Variants in IGDCC4 observed in about 807,000 individuals in gnomAD.
IGDCC4 encodes the protein immunoglobulin superfamily DCC subclass member 4, also known as likely ortholog of mouse neighbor of Punc E11.
IGDCC4 carries 72 observed loss-of-function variants against 116.6 expected under a neutral mutation model. That is an observed-to-expected ratio of 0.62 (90% confidence interval 0.51 to 0.75). The LOEUF (loss-of-function observed/expected upper bound fraction) is 0.75, where lower values mean the gene tolerates loss of function less well. Ranked by LOEUF, IGDCC4 falls within the 30% of genes least tolerant of loss-of-function variation. The pLI, the probability that IGDCC4 is intolerant of heterozygous loss-of-function variation, is 0.00. For missense variants in IGDCC4, 1,501 were observed against 1,662.4 expected, an observed-to-expected ratio of 0.90 and a Z score of 1.69; for synonymous variants, 709 against 719.9, an observed-to-expected ratio of 0.98 and a Z score of 0.24.
chr15:65,416,624 C>A (rs570784110), intron 1 of IGDCC4, among the ~76,000 whole-genome samples: 1 of 152,114 alleles, frequency 6.6e-6, no homozygotes, highest in East Asian at 1.9e-4. Context: ...TGACCCCCAA[C>A]ATTTTTAGCC....
chr15:65,405,350 T>C (rs2063031654), intron 3 of IGDCC4, among the ~76,000 whole-genome samples: 1 of 150,374 alleles, frequency 6.7e-6, no homozygotes, highest in African/African-American at 2.5e-5. Flanking sequence ...TTAGGAAATA[T>C]AAAAATTTTT....
chr15:65,383,745 C>T lies in IGDCC4; in HGVS notation c.*264G>A. On this transcript the variant is annotated 3_prime_UTR_variant, in exon 20 of 20. Transcript: ENST00000352385. ...GGCCACGGTTTCCCAGCTCAACAAC[C>T]AGTACGCATACATGCACTTCACACA... 2.7e-6 allele frequency: 1 copy of T among 371,418 alleles called. No homozygotes were observed. Among genetic ancestry groups the T allele is most frequent in the Non-Finnish European group, 4.8e-6 (1 of 208,114 alleles). The allele number at this position is 371,418 out of a possible 1,614,324, so 23.0% of individuals were successfully genotyped here. A position where few individuals can be genotyped will look rare whatever the true frequency, so the allele number is the denominator to read the frequency against.
intron 8 of IGDCC4, 97 bp downstream of exon 8, chr15:65,394,997 G>A (rs955340685): frequency 9.0e-6 from 12 of 1,336,608 alleles, no homozygotes; most frequent in Non-Finnish European, 1.2e-5. Flanking sequence ...ATATGAGCAG[G>A]TAAAAATGCC....
chr15:65,418,346 C>T (rs1033472179), intron 1 of IGDCC4, among the ~76,000 whole-genome samples: 1 of 152,026 alleles, frequency 6.6e-6, no homozygotes, highest in Non-Finnish European at 1.5e-5. Context: ...AAATTTATTT[C>T]TCTTGTGCCC....
intron 1 of IGDCC4, among the ~76,000 whole-genome samples, chr15:65,416,595 C>T (rs2063147147): frequency 6.6e-6 from 1 of 151,988 alleles, no homozygotes; most frequent in South Asian, 2.1e-4. Flanking sequence ...ACTTGCCACC[C>T]CCAGCCCACT....
At position 65,386,024 on chromosome 15, in the gene IGDCC4, G is replaced by C. The variant is rs765366856; in HGVS notation, c.2987C>G (p.Pro996Arg). Residue 996 changes from proline to arginine, a missense_variant, in exon 18 of 20, where the codon CCC becomes CGC. Physicochemically the swap from Pro to Arg is moderately radical, Grantham distance 103 (BLOSUM62 -2). This residue lies in a region of IGDCC4 where 368 missense variants were observed against 355.6 expected (regional missense o/e 1.03). Coordinates refer to ENST00000352385, the MANE Select transcript of IGDCC4 (RefSeq NM_020962.3). The stretch of plus-strand genomic sequence containing the variant: ...TCTGGAGTACAGCGCGGGATTCCCG[G>C]GGGTGGCGGTGGAGGACAGGCCTGG... ...SLPGLSSTAT[P>R]GNPALYSRAR... 1 of 1,554,208 alleles carries C rather than the reference G, an allele frequency of 6.4e-7. No individual in the cohort carries two copies. Among genetic ancestry groups the C allele is most frequent in the Non-Finnish European group, 8.7e-7 (1 of 1,154,254 alleles).
chr15:65,394,706 T>A (rs544570028), intron 8 of IGDCC4, among the ~76,000 whole-genome samples, 158 bp from the exon 9 acceptor site: 1 of 152,236 alleles, frequency 6.6e-6, no homozygotes, highest in Non-Finnish European at 1.5e-5. Context: ...AGCCCCAAGC[T>A]GAAGGATGAG....
chr15:65,400,985 G>A (rs1282993585), intron 4 of IGDCC4, 39 bp from the exon 5 acceptor site: 1 of 1,613,200 alleles, frequency 6.2e-7, no homozygotes. Flanking sequence ...CTTACCATTA[G>A]GCATTTGCCA....
rs1473754421 is a variant in IGDCC4, at chr15:65,390,235, G to T, written c.2328C>A (p.Thr776=). ...CAGTGTAGTTGACAATCTTGACTGT[G>T]GTGAAATCTGGCTTTTTCCACCGAA... ...IWLRWKKPDF[T]TVKIVNYTVR... The change falls in exon 13 of 20, where the codon ACC becomes ACA. Residue 776 remains threonine, a synonymous_variant. Coordinates refer to ENST00000352385, the MANE Select transcript of IGDCC4 (RefSeq NM_020962.3). 5.0e-6 allele frequency: 8 copies of T among 1,613,508 alleles called. No individual in the cohort carries two copies. The South Asian group carries it at 8.8e-5, about 18-fold the overall frequency.
In IGDCC4 at chr15:65,389,339, G is replaced by A. The variant is rs1368090341; in HGVS notation, c.2481C>T (p.Gly827=). ...AGCCGAAAGGCCCATCCATGTCCAC[G>A]CCGTGAGACTGCACTGCAAACTCGT... ...TKYEFAVQSH[G]VDMDGPFGSV... The change falls in exon 14 of 20, where the codon GGC becomes GGT. Residue 827 remains glycine, a synonymous_variant. Coordinates refer to ENST00000352385, the MANE Select transcript of IGDCC4 (RefSeq NM_020962.3). 1.9e-5 allele frequency: 31 copies of A among 1,614,160 alleles called. No individual in the cohort carries two copies. The highest frequency in any genetic ancestry group is 2.5e-5 in the Non-Finnish European group (30 of 1,180,024).
chr15:65,403,637 C>G (rs150480788), intron 3 of IGDCC4, among the ~76,000 whole-genome samples: 1 of 152,116 alleles, frequency 6.6e-6, no homozygotes, highest in Non-Finnish European at 1.5e-5. Flanking sequence ...GAACCCAAGT[C>G]TTCTGGTGCC....
chr15:65,394,377 C>T, intron 9 of IGDCC4, 34 bp downstream of exon 9: 1 of 1,611,424 alleles, frequency 6.2e-7, no homozygotes, highest in South Asian at 1.1e-5. Flanking sequence ...TGATCATTCC[C>T]ATACATGCCT....
intron 1 of IGDCC4, among the ~76,000 whole-genome samples, chr15:65,421,649 G>A (rs1303633013): frequency 6.6e-6 from 1 of 151,758 alleles, no homozygotes; most frequent in Non-Finnish European, 1.5e-5. Context: ...CTGGAAAGCC[G>A]CAGCAGCTGG....
At chr15:65,415,939 C>T (rs569596600) in intron 1 of IGDCC4, among the ~76,000 whole-genome samples, 20 of 152,100 alleles carry the variant, frequency 1.3e-4, no homozygotes, top group Non-Finnish European at 2.5e-4. Flanking sequence ...TGGGACAAGC[C>T]TGGCCTCAGA....
In IGDCC4 at chr15:65,393,448, G is replaced by A. The variant is rs751927410; in HGVS notation, c.1798C>T (p.Arg600Trp). The stretch of plus-strand genomic sequence containing the variant: ...CCGGCTGCTGTACCAGCCGAAATCC[G>A]TACTCGATACACCTTGTTTGGCTGA... ...SLQPNKVYRVRISAGTAAGFG... is the reference protein window; with the variant it reads ...SLQPNKVYRVWISAGTAAGFG... The change falls in exon 10 of 20, where the codon CGG becomes TGG. Residue 600 changes from arginine (R) to tryptophan (W), a missense_variant. Physicochemically the swap from Arg to Trp is moderately radical, Grantham distance 101 (BLOSUM62 -3). Transcript: ENST00000352385. This position sits in a 1 kb window ranked among gnomAD's most constrained non-coding sequence, Gnocchi z 4.6. 12 of 1,613,678 alleles carry A rather than the reference G, an allele frequency of 7.4e-6. No homozygotes were observed. The highest frequency in any genetic ancestry group is 3.3e-4 in the Middle Eastern group (2 of 6,054).
chr15:65,405,099 T>G (rs906198625), intron 3 of IGDCC4, among the ~76,000 whole-genome samples: 1 of 136,778 alleles, frequency 7.3e-6, no homozygotes, highest in Non-Finnish European at 1.6e-5. Flanking sequence ...AGCTCTGTCC[T>G]TGGAAAAGTG....
intron 3 of IGDCC4, among the ~76,000 whole-genome samples, chr15:65,408,672 C>T (rs1402025969): frequency 1.3e-5 from 2 of 152,146 alleles, no homozygotes; most frequent in Non-Finnish European, 2.9e-5. Flanking sequence ...TTTAAAGGGA[C>T]TAACATTCTA....
intron 1 of IGDCC4, among the ~76,000 whole-genome samples, chr15:65,416,105 C>T (rs1000074587): frequency 1.3e-5 from 2 of 149,574 alleles, no homozygotes; most frequent in African/African-American, 5.0e-5. Context: ...CACATATTTA[C>T]GAGGCTCGCT....
rs1356209092 is a variant in IGDCC4 at position 65,397,058 on chromosome 15, T to TCAGGAACACTCTGCACCC, written c.842-87_842-70dup. On this transcript the variant is annotated intron_variant, in intron 5 of 19. Coordinates refer to ENST00000352385, the MANE Select transcript of IGDCC4 (RefSeq NM_020962.3). Reference sequence around the variant, plus strand: ...TGCCCTTCCCTTCAGTCTCCGAACCTCAGGAACACTCTGCACCCGGATAAA... The same window carrying TCAGGAACACTCTGCACCC: ...TGCCCTTCCCTTCAGTCTCCGAACCTCAGGAACACTCTGCACCCCAGGAACACTCTGCACCCGGATAAA... 12 of 1,517,820 alleles carry TCAGGAACACTCTGCACCC rather than the reference T, an allele frequency of 7.9e-6. No individual in the cohort carries two copies. In the African/African-American group the frequency reaches 1.5e-4, roughly 19 times the overall value. 94.0% of individuals were successfully genotyped at this position (1,517,820 alleles called of 1,614,324 possible).
Sources: allele counts gnomAD v4.1 joint callset (sites outside exome capture counted in the v4.1 genomes callset), GRCh38; gene constraint gnomAD v4.1.1; regional missense constraint gnomAD v4.1.1; non-coding constraint Gnocchi (gnomAD v3.1); transcripts MANE v1.5; gene names NCBI Gene and HGNC (gene_info 2026-07-23, HGNC 2026-07-21).